The following PCBP3 variants were observed in gnomAD, a reference collection of about 807,000 sequenced individuals.
The protein encoded by PCBP3 is poly(rC)-binding protein 3.
PCBP3 carries 25 observed loss-of-function variants against 52.7 expected under a neutral mutation model. That is an observed-to-expected ratio of 0.47 (90% CI 0.35 to 0.66). The LOEUF (loss-of-function observed/expected upper bound fraction) is 0.66. PCBP3 is among the 30% of genes least tolerant of loss of function. PCBP3 has a pLI of 0.01. For synonymous variants in PCBP3, 162 were observed against 183.0 expected, an observed-to-expected ratio of 0.89 and a Z score of 0.93; for missense variants, 391 against 490.3, an observed-to-expected ratio of 0.80 and a Z score of 1.91.
At chr21:45,865,767 C>T (rs964622934) in intron 5 of PCBP3, among the ~76,000 whole-genome samples, 4 of 152,194 alleles carry the variant, frequency 2.6e-5, no homozygotes, top group Admixed American at 6.5e-5. Flanking sequence ...GGGCTCTGCT[C>T]GGAAAGCGGG....
chr21:45,813,256 T>G (rs2092732479), intron 4 of PCBP3, among the ~76,000 whole-genome samples: 1 of 152,230 alleles, frequency 6.6e-6, no homozygotes, highest in Non-Finnish European at 1.5e-5. Context: ...CGTCTGTTGA[T>G]CTGTAGTTCC....
intron 4 of PCBP3, among the ~76,000 whole-genome samples, chr21:45,831,733 C>T (rs2093455489): frequency 6.6e-6 from 1 of 152,132 alleles, no homozygotes; most frequent in African/African-American, 2.4e-5. Flanking sequence ...TTATTTTAGA[C>T]AGAGTTTCGC....
chr21:45,795,301 GTCT>G (rs1365828031), intron 4 of PCBP3, among the ~76,000 whole-genome samples: 4 of 147,610 alleles, frequency 2.7e-5, no homozygotes, highest in African/African-American at 5.0e-5. Flanking sequence ...GAGGACACTT[GTCT>G]TCTTCTTTTT....
rs2081555206 is a variant in PCBP3, at chr21:45,677,675, G to T, written c.-200+8723G>T. Among the ~76,000 whole-genome samples the T allele has an allele frequency of 2.0e-5, 3 of 152,192 alleles. No homozygotes were observed. The South Asian group carries it at 6.2e-4, about 32-fold the overall frequency. ...CTTTAAAGGACAGGCCGACTCTTTT[G>T]TTAGGGCCTAATGCAGCTGATGACT... On this transcript the variant is annotated intron_variant, in intron 2 of 17. Transcript: ENST00000681687.
At chr21:45,720,365 C>T (rs1348229465) in intron 2 of PCBP3, among the ~76,000 whole-genome samples, 2 of 152,228 alleles carry the variant, frequency 1.3e-5, no homozygotes, top group South Asian at 4.1e-4. Context: ...TGATGGTTTC[C>T]AGCTTCATCC....
intron 2 of PCBP3, among the ~76,000 whole-genome samples, chr21:45,681,654 A>T (rs2147545672): frequency 6.6e-6 from 1 of 152,290 alleles, no homozygotes; most frequent in Non-Finnish European, 1.5e-5. Flanking sequence ...ATTTTTTAAT[A>T]CTTTGCTAAG....
chr21:45,666,140 G>T (rs2080780135), intron 1 of PCBP3, among the ~76,000 whole-genome samples: 1 of 152,162 alleles, frequency 6.6e-6, no homozygotes, highest in East Asian at 1.9e-4. Flanking sequence ...AACCATTTAT[G>T]AAAGACCCAC....
intron 2 of PCBP3, among the ~76,000 whole-genome samples, chr21:45,702,564 G>A (rs911338118): frequency 5.3e-5 from 8 of 152,122 alleles, no homozygotes; most frequent in Non-Finnish European, 1.2e-4. Flanking sequence ...AACAATGTAT[G>A]TGCCTTAATT....
intron 16 of PCBP3, among the ~76,000 whole-genome samples, chr21:45,936,943 C>T (rs2076952344): frequency 6.6e-6 from 1 of 152,104 alleles, no homozygotes; most frequent in Non-Finnish European, 1.5e-5. Context: ...TATCCCAGTG[C>T]CTTTGGGTAC....
chr21:45,900,904 T>C, intron 8 of PCBP3, 93 bp from the exon 9 acceptor site: 1 of 833,134 alleles, frequency 1.2e-6, no homozygotes, highest in South Asian at 1.4e-5. Context: ...CAGAGGCATG[T>C]GTTTGTGTCA....
At chr21:45,674,095 A>G (rs1037462951) in intron 2 of PCBP3, among the ~76,000 whole-genome samples, 3 of 152,160 alleles carry the variant, frequency 2.0e-5, no homozygotes, top group African/African-American at 7.2e-5. Flanking sequence ...GTTTCTCAGT[A>G]ATGTCTTTCA....
At chr21:45,761,900 C>G (rs2146596816) in intron 4 of PCBP3, 1 of 152,432 alleles carries the variant, frequency 6.6e-6, no homozygotes, top group East Asian at 1.9e-4. Flanking sequence ...AGCGCAGCTC[C>G]CGTTATCCTG....
In PCBP3 at chr21:45,865,334, A is replaced by G. The variant is rs115588388; in HGVS notation, c.10+15239A>G. 6.8e-3 allele frequency among the ~76,000 whole-genome samples: 1,037 copies of G among 152,314 alleles called. 12 individuals carry two copies. Among genetic ancestry groups the G allele is most frequent in the African/African-American group, 0.023 (975 of 41,574 alleles). ...AATTACAAAATCGTAGCCCACCCCC[A>G]GTCGCCTTTAGGGGAGAATGCGTAC... On this transcript the variant is annotated intron_variant, in intron 5 of 17. Transcript: ENST00000681687.
rs116387020 is a variant in PCBP3, at chr21:45,864,338, T to C, written c.10+14243T>C. On this transcript the variant is annotated intron_variant, in intron 5 of 17. Transcript: ENST00000681687. The stretch of plus-strand genomic sequence containing the variant: ...GCCGATGGATGGAGAGCATGCACTT[T>C]TGCAGCTTGGTGCTTAAAATGGGGA... Among the ~76,000 whole-genome samples the C allele has an allele frequency of 5.5e-3, 836 of 152,326 alleles. 7 individuals are homozygous for C. Among genetic ancestry groups the C allele is most frequent in the African/African-American group, 0.018 (764 of 41,572 alleles).
Position 45,741,327 on chromosome 21 carries a change from A to G in PCBP3, c.-162+5898A>G, listed in dbSNP as rs1025054381. On this transcript the variant is annotated intron_variant, in intron 3 of 17. Transcript: ENST00000681687. The surrounding 1 kb of genome is among the most constrained non-coding windows in gnomAD (Gnocchi z 4.5). ...CTTATTCACTGTGAGAAGCAGAAAC[A>G]TTGTGCAAGAAGGGAGCTGCAGCAT... Among the ~76,000 whole-genome samples the G allele has an allele frequency of 6.6e-6, 1 of 152,192 alleles. No individual in the cohort carries two copies. Among genetic ancestry groups the G allele is most frequent in the South Asian group, 2.1e-4 (1 of 4,830 alleles).
intron 1 of PCBP3, among the ~76,000 whole-genome samples, chr21:45,666,320 AT>A (rs1477560617): frequency 1.3e-5 from 2 of 152,214 alleles, no homozygotes; most frequent in Non-Finnish European, 2.9e-5. Flanking sequence ...AAAAGAGGAA[AT>A]AATACTATTT....
At chr21:45,648,612 T>A (rs1169097501) in intron 1 of PCBP3, among the ~76,000 whole-genome samples, 1 of 152,254 alleles carries the variant, frequency 6.6e-6, no homozygotes, top group Non-Finnish European at 1.5e-5. Context: ...CTCATAGCTG[T>A]TGTCAGATTA....
intron 2 of PCBP3, among the ~76,000 whole-genome samples, chr21:45,699,381 A>C (rs544673882): frequency 6.6e-6 from 1 of 152,270 alleles, no homozygotes; most frequent in East Asian, 1.9e-4. Context: ...GCCAGAGTTC[A>C]ATCTGCCCTC....
chr21:45,806,347 G>C (rs1371476741), intron 4 of PCBP3, among the ~76,000 whole-genome samples: 2 of 151,280 alleles, frequency 1.3e-5, no homozygotes, highest in African/African-American at 2.5e-5. Flanking sequence ...GTGGAGGTGA[G>C]GCCAGGAGAC....
Sources: gnomAD v4.1 joint callset for allele counts (sites outside exome capture counted in the v4.1 genomes callset) on GRCh38, gnomAD v4.1.1 for gene constraint, Gnocchi (gnomAD v3.1) non-coding constraint, MANE v1.5 for transcripts, NCBI Gene and HGNC (gene_info 2026-07-23, HGNC 2026-07-21) for gene names.